Variants in RANBP17 observed in about 807,000 individuals in gnomAD.
RANBP17 encodes ran-binding protein 17.
A neutral mutation model predicts 141.2 loss-of-function variants in RANBP17; 158 were observed. That is an observed-to-expected ratio of 1.12 (90% CI 0.98 to 1.28). The LOEUF is 1.28. Among genes scored for constraint, RANBP17 ranks in the 50% most tolerant of loss-of-function variants. The pLI, the probability that RANBP17 is intolerant of heterozygous loss-of-function variation, is 0.00. For missense variants in RANBP17, 1,438 were observed against 1,290.7 expected (o/e 1.11, Z -1.75); for synonymous variants, 430 against 450.0 (o/e 0.96, Z 0.56).
At chr5:170,984,079 TGTAAG>T (rs1202391821) in intron 14 of RANBP17, among the ~76,000 whole-genome samples, 1 of 152,046 alleles carries the variant, frequency 6.6e-6, no homozygotes, top group East Asian at 1.9e-4. Context: ...AAATAACTGA[TGTAAG>T]GGAAGGAGTT....
At chr5:170,928,312 G>A (rs1581166344) in intron 12 of RANBP17, among the ~76,000 whole-genome samples, 1 of 152,004 alleles carries the variant, frequency 6.6e-6, no homozygotes, top group Admixed American at 6.6e-5. Context: ...TCTGTGGTTT[G>A]TCTTAACTAT....
chr5:171,218,742 C>A (rs1171024630), intron 21 of RANBP17, among the ~76,000 whole-genome samples: 1 of 145,466 alleles, frequency 6.9e-6, no homozygotes, highest in African/African-American at 2.5e-5. Context: ...TTTTTCCTTT[C>A]CATTTGCTTG....
intron 12 of RANBP17, among the ~76,000 whole-genome samples, chr5:170,949,870 C>T (rs1041664461): frequency 2.0e-5 from 3 of 152,038 alleles, no homozygotes; most frequent in African/African-American, 4.8e-5. Context: ...TCCATAGTAA[C>T]CAAAACAGCA....
chr5:170,915,150 A>G (rs1771847242), intron 8 of RANBP17, among the ~76,000 whole-genome samples: 1 of 152,148 alleles, frequency 6.6e-6, no homozygotes, highest in African/African-American at 2.4e-5. Context: ...TTGTGTAAAA[A>G]CCATGGTTTC....
chr5:170,954,996 C>G (rs1422098096), intron 13 of RANBP17, among the ~76,000 whole-genome samples: 1 of 152,100 alleles, frequency 6.6e-6, no homozygotes, highest in African/African-American at 2.4e-5. Context: ...GACATAGATT[C>G]TCATAGGAGG....
At chr5:170,960,661 G>A (rs994626299) in intron 13 of RANBP17, among the ~76,000 whole-genome samples, 6 of 152,190 alleles carry the variant, frequency 3.9e-5, no homozygotes, top group Non-Finnish European at 7.4e-5. Context: ...GTTTTTAAAC[G>A]GACTTCTTGC....
At chr5:171,098,839 T>C (rs964515317) in intron 14 of RANBP17, among the ~76,000 whole-genome samples, 3 of 151,650 alleles carry the variant, frequency 2.0e-5, no homozygotes, top group Admixed American at 2.0e-4. Flanking sequence ...GGGGTCCAGT[T>C]TCAGTTTTCT....
intron 14 of RANBP17, among the ~76,000 whole-genome samples, chr5:171,042,647 G>A (rs1295399040): frequency 6.6e-6 from 1 of 152,108 alleles, no homozygotes; most frequent in Non-Finnish European, 1.5e-5. Flanking sequence ...ATCATCTTTG[G>A]ATTAAAAGGT....
intron 14 of RANBP17, among the ~76,000 whole-genome samples, chr5:171,112,788 C>A (rs1755337084): frequency 6.6e-6 from 1 of 151,814 alleles, no homozygotes; most frequent in Non-Finnish European, 1.5e-5. Flanking sequence ...ACACAATCTG[C>A]CATTTTTATC....
At chr5:171,067,936 T>C in intron 14 of RANBP17, among the ~76,000 whole-genome samples, 2 of 152,186 alleles carry the variant, frequency 1.3e-5, no homozygotes, top group South Asian at 2.1e-4. Flanking sequence ...AAATTTGGTG[T>C]GTTTTTCATT....
At chr5:171,286,697 G>A (rs1768191586) in intron 25 of RANBP17, among the ~76,000 whole-genome samples, 2 of 152,130 alleles carry the variant, frequency 1.3e-5, no homozygotes, top group Admixed American at 1.3e-4. Flanking sequence ...AATTTGAGCA[G>A]GATCACATTT....
chr5:171,006,449 A>G (rs916662191), intron 14 of RANBP17, among the ~76,000 whole-genome samples: 3 of 152,170 alleles, frequency 2.0e-5, no homozygotes, highest in African/African-American at 7.2e-5. Flanking sequence ...CTTTGTAGGG[A>G]TATGGATGAA....
chr5:171,223,861 C>T (rs571970408), intron 22 of RANBP17, among the ~76,000 whole-genome samples: 2 of 152,252 alleles, frequency 1.3e-5, no homozygotes, highest in East Asian at 3.9e-4. Context: ...GATCTCAGTA[C>T]TAATCCTGTT....
intron 12 of RANBP17, among the ~76,000 whole-genome samples, chr5:170,933,785 G>A (rs1773614055): frequency 6.6e-6 from 1 of 152,124 alleles, no homozygotes; most frequent in Admixed American, 6.5e-5. Flanking sequence ...GAGACAGTTT[G>A]TTATAATTTC....
In RANBP17 at chr5:171,295,908, A is replaced by T; in HGVS notation, c.3064A>T (p.Ser1022Cys). The part of the protein sequence containing the change: ...NEKYFSELRA[S>C]LINSQPLPKQ... ...TCAGTATTTCAGTGAACTGAGAGCA[A>T]GTTTGATAAACAGCCAGCCCCTCCC... is the stretch of plus-strand genomic sequence containing the variant. The change falls in exon 27 of 28, where the codon AGT becomes TGT. Residue 1022 changes from serine to cysteine, a missense_variant. Ser to Cys is a moderately radical substitution (Grantham distance 112). Transcript: ENST00000523189. 6.2e-7 allele frequency: 1 copy of T among 1,613,588 alleles called. No individual in the cohort carries two copies. The highest frequency in any genetic ancestry group is 8.5e-7 in the Non-Finnish European group (1 of 1,179,664).
Position 170,986,561 on chromosome 5 carries a change from C to CAT in RANBP17, c.1710+18198_1710+18199dup, listed in dbSNP as rs145763842. Among the ~76,000 whole-genome samples, 1,070 of 149,562 alleles carry CAT rather than the reference C, an allele frequency of 7.2e-3. 7 individuals are homozygous for CAT. Among genetic ancestry groups the CAT allele is most frequent in the African/African-American group, 0.018 (726 of 40,982 alleles). On this transcript the variant is annotated intron_variant, in intron 14 of 27. Coordinates refer to ENST00000523189, the MANE Select transcript of RANBP17 (RefSeq NM_022897.5). ...CAAAACATCAAATGAACCCCATAAACATATATATATATATACCTGTGATGT... is the reference window on the plus strand; with the variant it reads ...CAAAACATCAAATGAACCCCATAAACATATATATATATATATACCTGTGATGT...
At chr5:170,987,935 T>G (rs926619453) in intron 14 of RANBP17, among the ~76,000 whole-genome samples, 1 of 151,634 alleles carries the variant, frequency 6.6e-6, no homozygotes, top group Admixed American at 6.6e-5. Context: ...TACTATTTAT[T>G]TATCATACCA....
chr5:170,942,170 C>T (rs1286638008), intron 12 of RANBP17, among the ~76,000 whole-genome samples: 6 of 152,048 alleles, frequency 3.9e-5, no homozygotes, highest in African/African-American at 1.2e-4. Flanking sequence ...CCTGATGACC[C>T]GAGGTGGAAC....
chr5:171,210,304 A>G (rs543516526), intron 20 of RANBP17, among the ~76,000 whole-genome samples: 18 of 152,178 alleles, frequency 1.2e-4, no homozygotes, highest in East Asian at 1.2e-3. Flanking sequence ...GTGCTTTCCA[A>G]TAATCCCTCA....
Sources: allele counts gnomAD v4.1 joint callset (sites outside exome capture counted in the v4.1 genomes callset), GRCh38; gene constraint gnomAD v4.1.1; transcripts MANE v1.5; gene names NCBI Gene and HGNC (gene_info 2026-07-23, HGNC 2026-07-21).